The following CDH18 variants were observed in gnomAD, a reference collection of about 807,000 sequenced individuals.
CDH18 encodes cadherin-18.
CDH18 carries 31 observed loss-of-function variants against 67.9 expected under a neutral mutation model. The observed-to-expected ratio is 0.46, with a 90% confidence interval of 0.34 to 0.62. CDH18 has a LOEUF of 0.62. Ranked by LOEUF, CDH18 falls within the 20% of genes least tolerant of loss-of-function variation. The probability of loss-of-function intolerance (pLI) is 0.01; values close to 1 mark genes in which losing one functional copy is unlikely to be tolerated. For missense variants in CDH18, 890 were observed against 975.5 expected, an observed-to-expected ratio of 0.91 and a Z score of 1.17; for synonymous variants, 362 against 347.2, an observed-to-expected ratio of 1.04 and a Z score of -0.48.
intron 2 of CDH18, among the ~76,000 whole-genome samples, chr5:19,960,946 A>G (rs1045166881): frequency 1.3e-5 from 2 of 150,830 alleles, no homozygotes; most frequent in Non-Finnish European, 3.0e-5. Flanking sequence ...TAGTGTACAT[A>G]ATTATATGTG....
At chr5:20,565,280 AAAG>A (rs1758435830) in intron 1 of CDH18, among the ~76,000 whole-genome samples, 1 of 100,674 alleles carries the variant, frequency 9.9e-6, no homozygotes. Flanking sequence ...TCATAGACCT[AAAG>A]TTGTTGTTGT....
intron 1 of CDH18, among the ~76,000 whole-genome samples, chr5:20,326,066 C>G (rs1738545961): frequency 6.6e-6 from 1 of 152,164 alleles, no homozygotes; most frequent in Non-Finnish European, 1.5e-5. Flanking sequence ...ACATTTTACT[C>G]TAGATACTCT....
At chr5:20,204,377 C>T (rs1026699689) in intron 2 of CDH18, among the ~76,000 whole-genome samples, 8 of 151,460 alleles carry the variant, frequency 5.3e-5, no homozygotes, top group African/African-American at 1.9e-4. Flanking sequence ...AAGTGCCATA[C>T]AAAAGTACTG....
intron 3 of CDH18, among the ~76,000 whole-genome samples, chr5:19,759,418 A>G (rs1561241850): frequency 1.3e-5 from 2 of 152,154 alleles, no homozygotes; most frequent in Non-Finnish European, 2.9e-5. Context: ...TTCCCACCAT[A>G]ATACCCCTCA....
chr5:20,525,465 T>C (rs954966138), intron 1 of CDH18, among the ~76,000 whole-genome samples: 3 of 152,106 alleles, frequency 2.0e-5, no homozygotes, highest in African/African-American at 7.2e-5. Context: ...TGGCTCCATG[T>C]TCCAGGACAC....
chr5:20,163,121 T>A (rs1460541134), intron 2 of CDH18, among the ~76,000 whole-genome samples: 2 of 152,060 alleles, frequency 1.3e-5, no homozygotes, highest in African/African-American at 4.8e-5. Flanking sequence ...TTAGAATCAA[T>A]CATTATAAAT....
chr5:19,707,964 A>G (rs2150512823), intron 5 of CDH18, among the ~76,000 whole-genome samples: 1 of 152,188 alleles, frequency 6.6e-6, no homozygotes, highest in East Asian at 1.9e-4. Context: ...TGAATAAAAT[A>G]GTCAGATGGT....
In CDH18 at chr5:20,434,345, G is replaced by A. The variant is rs1408595203; in HGVS notation, c.-580+141117C>T. Among the ~76,000 whole-genome samples the A allele has an allele frequency of 3.3e-5, 5 of 152,054 alleles. No homozygotes were observed. The East Asian group carries it at 9.6e-4, about 29-fold the overall frequency. Reference sequence around the variant, plus strand: ...AGATCAAGCTGCTTGAGTATGTTAAGCTGGGAGTTTGAGTGTCTGTGAACA... The same window carrying A: ...AGATCAAGCTGCTTGAGTATGTTAAACTGGGAGTTTGAGTGTCTGTGAACA... On this transcript the variant is annotated intron_variant, in intron 1 of 14. Coordinates refer to the CDH18 transcript ENST00000507958.
At chr5:19,819,301 C>T (rs1394172834) in intron 3 of CDH18, among the ~76,000 whole-genome samples, 4 of 152,092 alleles carry the variant, frequency 2.6e-5, no homozygotes, top group Admixed American at 2.6e-4. Flanking sequence ...TGGGCTTGAA[C>T]TCTTATTAAA....
intron 2 of CDH18, among the ~76,000 whole-genome samples, chr5:19,899,551 C>T (rs1286387490): frequency 1.3e-5 from 2 of 152,010 alleles, no homozygotes; most frequent in Non-Finnish European, 2.9e-5. Flanking sequence ...AATGAGGAGG[C>T]TCCTCAAAAA....
At chr5:19,600,975 T>A (rs1378350652) in intron 6 of CDH18, among the ~76,000 whole-genome samples, 1 of 152,162 alleles carries the variant, frequency 6.6e-6, no homozygotes, top group Admixed American at 6.5e-5. Flanking sequence ...GATGTTTCCA[T>A]GAGGGAACAA....
chr5:20,449,119 T>C (rs1012921899), intron 1 of CDH18, among the ~76,000 whole-genome samples: 1 of 152,154 alleles, frequency 6.6e-6, no homozygotes, highest in African/African-American at 2.4e-5. Context: ...CATGACATCT[T>C]TTGGAACTTA....
chr5:20,566,322 T>A (rs1180323751), intron 1 of CDH18, among the ~76,000 whole-genome samples: 1 of 151,778 alleles, frequency 6.6e-6, no homozygotes, highest in African/African-American at 2.4e-5. Flanking sequence ...TCAGATGGCC[T>A]TAAAAGCTTT....
chr5:19,633,796 A>T (rs1256755370), intron 5 of CDH18, among the ~76,000 whole-genome samples: 1 of 151,796 alleles, frequency 6.6e-6, no homozygotes, highest in Non-Finnish European at 1.5e-5. Context: ...TACCCACCTA[A>T]TTTTTTAGTA....
chr5:19,821,406 C>CAAAAAAAAAAAAAA (rs566178728), intron 3 of CDH18, among the ~76,000 whole-genome samples: 12 of 93,342 alleles, frequency 1.3e-4, no homozygotes, highest in African/African-American at 1.6e-4. Context: ...AAACAAAAAA[C>CAAAAAAAAAAAAAA]AAAAAAAAAA....
chr5:20,283,969 T>C (rs11949349), intron 1 of CDH18, among the ~76,000 whole-genome samples: 51,950 of 151,856 alleles, frequency 0.34, 9,071 homozygotes, highest in South Asian at 0.39. Flanking sequence ...CTAGAGATCA[T>C]TATGTTAAGT....
chr5:20,501,483 TA>T (rs70954663), intron 1 of CDH18, among the ~76,000 whole-genome samples: 11 of 83,820 alleles, frequency 1.3e-4, no homozygotes, highest in East Asian at 3.6e-4. Context: ...ATATACATAT[TA>T]TATATATTTT....
chr5:19,741,997 C>T (rs915465109), intron 4 of CDH18, among the ~76,000 whole-genome samples: 3 of 151,922 alleles, frequency 2.0e-5, no homozygotes, highest in African/African-American at 7.3e-5. Context: ...AATATAATTC[C>T]CTAGATAATG....
At chr5:19,895,622 C>T (rs1789239349) in intron 2 of CDH18, among the ~76,000 whole-genome samples, 2 of 152,038 alleles carry the variant, frequency 1.3e-5, no homozygotes. Context: ...AGTGTCCTTC[C>T]ACAGGTGAAT....
Sources: gnomAD v4.1 joint callset for allele counts (sites outside exome capture counted in the v4.1 genomes callset) on GRCh38, gnomAD v4.1.1 for gene constraint, MANE v1.5 for transcripts, NCBI Gene and HGNC (gene_info 2026-07-23, HGNC 2026-07-21) for gene names.